GABRB1: variants seen among roughly 807,000 people sequenced by gnomAD.
The protein encoded by GABRB1 is gamma-aminobutyric acid type A receptor subunit beta1.
A neutral mutation model predicts 51.6 loss-of-function variants in GABRB1; 17 were observed. That is an observed-to-expected ratio of 0.33 (90% confidence interval 0.23 to 0.49). The LOEUF is 0.49. Ranked by LOEUF, GABRB1 falls within the 20% of genes least tolerant of loss-of-function variation. The pLI, the probability that GABRB1 is intolerant of heterozygous loss-of-function variation, is 0.99. For missense variants in GABRB1, 410 were observed against 600.6 expected (o/e 0.68, Z 3.32); for synonymous variants, 247 against 218.9 (o/e 1.13, Z -1.14).
At chr4:47,406,426 T>C (rs939167594) in intron 7 of GABRB1, among the ~76,000 whole-genome samples, 11 of 152,250 alleles carry the variant, frequency 7.2e-5, no homozygotes, top group African/African-American at 2.7e-4. Flanking sequence ...TTTGTTTTTA[T>C]TTTGTGCAAT....
intron 4 of GABRB1, among the ~76,000 whole-genome samples, chr4:47,226,504 G>T (rs2109830354): frequency 6.6e-6 from 1 of 152,094 alleles, no homozygotes; most frequent in Non-Finnish European, 1.5e-5. Flanking sequence ...CTCCTCTCAA[G>T]AAATCATCCC....
At chr4:47,007,866 G>GTTATATATATATATATATATA (rs1476319173) in intron 1 of GABRB1, among the ~76,000 whole-genome samples, 8 of 49,966 alleles carry the variant, frequency 1.6e-4, no homozygotes, top group African/African-American at 6.3e-4. Flanking sequence ...CTTGGAACTG[G>GTTATATATATATATATATATA]TATATATATA....
intron 4 of GABRB1, among the ~76,000 whole-genome samples, chr4:47,302,335 A>G (rs1724291325): frequency 6.6e-6 from 1 of 152,088 alleles, no homozygotes; most frequent in African/African-American, 2.4e-5. Flanking sequence ...ATTTTAGGAA[A>G]TGACTCAAGA....
intron 3 of GABRB1, among the ~76,000 whole-genome samples, chr4:47,160,756 A>T (rs1188023826): frequency 2.6e-4 from 1 of 3,858 alleles, no homozygotes; most frequent in Non-Finnish European, 4.9e-4. Flanking sequence ...TACTTTTATT[A>T]TTTATTTATT....
chr4:47,267,119 G>GA (rs571904030), intron 4 of GABRB1, among the ~76,000 whole-genome samples: 41 of 151,756 alleles, frequency 2.7e-4, no homozygotes, highest in Admixed American at 8.5e-4. Context: ...TTAGCAATTT[G>GA]AAAAAAAATC....
intron 3 of GABRB1, among the ~76,000 whole-genome samples, chr4:47,048,170 AC>A (rs1726181482): frequency 6.6e-6 from 1 of 152,234 alleles, no homozygotes; most frequent in South Asian, 2.1e-4. Context: ...CATTGTAATC[AC>A]CTTTTTAGTA....
chr4:47,139,250 A>G (rs1716810219), intron 3 of GABRB1, among the ~76,000 whole-genome samples: 1 of 152,002 alleles, frequency 6.6e-6, no homozygotes, highest in East Asian at 1.9e-4. Flanking sequence ...GTAAATAAAC[A>G]CACCATCTCT....
chr4:47,093,654 CAAA>C (rs1459063190), intron 3 of GABRB1, among the ~76,000 whole-genome samples: 1 of 152,084 alleles, frequency 6.6e-6, no homozygotes. Flanking sequence ...ATCTAAGACT[CAAA>C]AATAAGTTCT....
At chr4:47,378,403 C>A (rs557381468) in intron 5 of GABRB1, among the ~76,000 whole-genome samples, 4 of 152,182 alleles carry the variant, frequency 2.6e-5, no homozygotes, top group African/African-American at 7.2e-5. Flanking sequence ...CCGCAAGCAC[C>A]GCGCGCAGCC....
chr4:47,373,356 A>C (rs1174560263), intron 5 of GABRB1, among the ~76,000 whole-genome samples: 1 of 152,164 alleles, frequency 6.6e-6, no homozygotes, highest in Non-Finnish European at 1.5e-5. Context: ...GTGTCATCAC[A>C]CATGTTTGTA....
intron 5 of GABRB1, among the ~76,000 whole-genome samples, chr4:47,353,764 A>G (rs1726450574): frequency 6.6e-6 from 1 of 152,100 alleles, no homozygotes; most frequent in Non-Finnish European, 1.5e-5. Flanking sequence ...CGACATTCCC[A>G]TCTCCTTCCA....
intron 5 of GABRB1, among the ~76,000 whole-genome samples, chr4:47,376,595 C>G (rs749737033): frequency 1.3e-5 from 2 of 152,096 alleles, no homozygotes; most frequent in Non-Finnish European, 2.9e-5. Flanking sequence ...TGCAGTGAGC[C>G]GAGACCGCAC....
intron 4 of GABRB1, among the ~76,000 whole-genome samples, chr4:47,314,785 C>T (rs1724828005): frequency 6.6e-6 from 1 of 151,888 alleles, no homozygotes. Flanking sequence ...ACCATAGTTC[C>T]TATTTTTCAT....
intron 4 of GABRB1, among the ~76,000 whole-genome samples, chr4:47,275,855 C>A (rs572211206): frequency 3.3e-5 from 5 of 152,246 alleles, no homozygotes; most frequent in Non-Finnish European, 7.4e-5. Context: ...TTAATTTAAA[C>A]CAACAGAACC....
intron 3 of GABRB1, among the ~76,000 whole-genome samples, chr4:47,136,613 G>T (rs1446233568): frequency 6.6e-6 from 1 of 151,860 alleles, no homozygotes; most frequent in African/African-American, 2.4e-5. Flanking sequence ...GAAACTATAG[G>T]TTTACAAACT....
chr4:47,044,841 TA>T (rs71193898), intron 3 of GABRB1, among the ~76,000 whole-genome samples: 33,698 of 151,950 alleles, frequency 0.22, 4,839 homozygotes, highest in Middle Eastern at 0.37. Context: ...GAACTGACAA[TA>T]AAAATCAAAA....
intron 4 of GABRB1, among the ~76,000 whole-genome samples, chr4:47,198,063 G>A (rs1719758797): frequency 1.3e-5 from 2 of 152,136 alleles, no homozygotes; most frequent in Admixed American, 1.3e-4. Flanking sequence ...TTGGGGTCAG[G>A]TATATTGCCT....
chr4:47,017,415 T>A (rs185071628), intron 1 of GABRB1, among the ~76,000 whole-genome samples: 80 of 152,316 alleles, frequency 5.3e-4, no homozygotes, highest in Non-Finnish European at 9.4e-4. Context: ...TTTTCTTAAC[T>A]GAGCAGTATA....
At chr4:47,071,449 A>AC (rs1727332324) in intron 3 of GABRB1, among the ~76,000 whole-genome samples, 1 of 151,058 alleles carries the variant, frequency 6.6e-6, no homozygotes, top group Non-Finnish European at 1.5e-5. Context: ...CTGATTCCTC[A>AC]CTCTCCCCAG....
Sources: allele counts gnomAD v4.1 joint callset (sites outside exome capture counted in the v4.1 genomes callset), GRCh38; gene constraint gnomAD v4.1.1; transcripts MANE v1.5; gene names NCBI Gene and HGNC (gene_info 2026-07-23, HGNC 2026-07-21).